MMP11: variants seen among roughly 807,000 people sequenced by gnomAD.
MMP11 encodes the protein matrix metallopeptidase 11, also known as stromelysin-3.
A neutral mutation model predicts 49.5 loss-of-function variants in MMP11; 26 were observed. That is an observed-to-expected ratio of 0.52 (90% CI 0.38 to 0.73). The LOEUF is 0.73. MMP11 is among the 30% of genes least tolerant of loss of function. The pLI is 0.00. For synonymous variants in MMP11, 265 were observed against 282.3 expected (o/e 0.94, Z 0.62); for missense variants, 624 against 671.2 (o/e 0.93, Z 0.78).
At chr22:23,775,892 A>C (rs1927394872) in intron 1 of MMP11, among the ~76,000 whole-genome samples, 1 of 152,236 alleles carries the variant, frequency 6.6e-6, no homozygotes, top group South Asian at 2.1e-4. Context: ...TTTCTGTGCC[A>C]GAGGCTACAG....
chr22:23,780,741 G>C lies in MMP11; in HGVS notation c.616+26G>C, dbSNP rs776222796. ...GTATGGGCTGGGGACCCATTTTCCAGATGGGGCAACCGAAGATCATAAAGA... is the reference window on the plus strand; with the variant it reads ...GTATGGGCTGGGGACCCATTTTCCACATGGGGCAACCGAAGATCATAAAGA... On this transcript the variant is annotated intron_variant, in intron 4 of 7. Coordinates refer to ENST00000215743, the MANE Select transcript of MMP11 (RefSeq NM_005940.5). This position sits in a 1 kb window ranked among gnomAD's most constrained non-coding sequence, Gnocchi z 4.6. 3 of 1,546,658 alleles carry C rather than the reference G, an allele frequency of 1.9e-6. No individual in the cohort carries two copies. Among genetic ancestry groups the C allele is most frequent in the Non-Finnish European group, 2.6e-6 (3 of 1,148,948 alleles).
At chr22:23,778,388 G>A (rs1034521993) in intron 1 of MMP11, among the ~76,000 whole-genome samples, 3 of 152,196 alleles carry the variant, frequency 2.0e-5, no homozygotes, top group African/African-American at 7.2e-5. Context: ...GGGCTTTGGC[G>A]AGTGGGGCTG....
chr22:23,776,040 G>C (rs1192097119), intron 1 of MMP11, among the ~76,000 whole-genome samples: 2 of 152,226 alleles, frequency 1.3e-5, no homozygotes, highest in Non-Finnish European at 2.9e-5. Flanking sequence ...CTGAACCTCA[G>C]TGGCTGGCTC....
intron 1 of MMP11, among the ~76,000 whole-genome samples, chr22:23,776,511 G>A (rs1927414661): frequency 6.6e-6 from 1 of 152,188 alleles, no homozygotes; most frequent in Admixed American, 6.5e-5. Flanking sequence ...AATAGCAGGC[G>A]CTGAATAATT....
At position 23,782,300 on chromosome 22, in the gene MMP11, A is replaced by G; in HGVS notation, c.1150A>G (p.Arg384Gly). 1 of 1,613,806 alleles carries G rather than the reference A, an allele frequency of 6.2e-7. No individual in the cohort carries two copies. The highest frequency in any genetic ancestry group is 8.5e-7 in the Non-Finnish European group (1 of 1,179,972). ...PAPLTELGLV[R>G]FPVHAALVWG... is the part of the protein sequence containing the mutation. ...ACCCCTCACCGAGCTGGGCCTGGTG[A>G]GGTTCCCGGTCCATGCTGCCTTGGT... The change falls in exon 7 of 8, where the codon AGG becomes GGG. Residue 384 changes from arginine (R) to glycine (G), a missense_variant. Arg to Gly is a moderately radical substitution (Grantham distance 125). Coordinates refer to ENST00000215743, the MANE Select transcript of MMP11 (RefSeq NM_005940.5).
At chr22:23,774,816 C>T (rs955806708) in intron 1 of MMP11, among the ~76,000 whole-genome samples, 2 of 152,172 alleles carry the variant, frequency 1.3e-5, no homozygotes, top group African/African-American at 2.4e-5. Context: ...TGAGCCCAGC[C>T]TTTCGCAGTG....
At position 23,782,478 on chromosome 22, in the gene MMP11, C is replaced by T. The variant is rs1315020759; in HGVS notation, c.1328C>T (p.Ala443Val). 2.5e-6 allele frequency: 4 copies of T among 1,608,424 alleles called. No homozygotes were observed. Among genetic ancestry groups the T allele is most frequent in the Non-Finnish European group, 3.4e-6 (4 of 1,177,310 alleles). ...PSEIDAAFQDADGYAYFLRGR... is the reference protein window; with the variant it reads ...PSEIDAAFQDVDGYAYFLRGR... ...GAGATCGACGCTGCCTTCCAGGATGCTGATGGTGCGTTGGGGGTGAGGCAG... is the reference window on the plus strand; with the variant it reads ...GAGATCGACGCTGCCTTCCAGGATGTTGATGGTGCGTTGGGGGTGAGGCAG... The change falls in exon 7 of 8, where the codon GCT becomes GTT. Residue 443 changes from alanine (A) to valine (V), a missense_variant. Coordinates refer to ENST00000215743, the MANE Select transcript of MMP11 (RefSeq NM_005940.5).
intron 1 of MMP11, among the ~76,000 whole-genome samples, chr22:23,776,506 C>G (rs567420994): frequency 6.6e-6 from 1 of 152,358 alleles, no homozygotes; most frequent in African/African-American, 2.4e-5. Context: ...CGGGAAATAG[C>G]AGGCGCTGAA....
intron 1 of MMP11, 46 bp downstream of exon 1, chr22:23,773,024 G>A (rs1569154194): frequency 2.1e-5 from 24 of 1,152,404 alleles, no homozygotes; most frequent in Non-Finnish European, 2.6e-5. Flanking sequence ...AGGGGGCGCC[G>A]GGCACGCGGG....
intron 1 of MMP11, among the ~76,000 whole-genome samples, chr22:23,774,150 G>C (rs770400415): frequency 6.6e-5 from 10 of 152,214 alleles, no homozygotes; most frequent in Admixed American, 1.3e-4. Flanking sequence ...GTGACCCTGG[G>C]TGAATCCTGC....
At chr22:23,773,035 C>G in intron 1 of MMP11, 57 bp downstream of exon 1, 1 of 1,143,260 alleles carries the variant, frequency 8.7e-7, no homozygotes, top group Non-Finnish European at 1.1e-6. Context: ...GGCACGCGGG[C>G]TGGGCCCAGC....
intron 1 of MMP11, among the ~76,000 whole-genome samples, chr22:23,778,607 G>A (rs1156951536): frequency 6.6e-6 from 1 of 152,188 alleles, no homozygotes; most frequent in Non-Finnish European, 1.5e-5. Flanking sequence ...ACAAGTCAGT[G>A]TCACCCCCAG....
chr22:23,782,267 G>A lies in MMP11; in HGVS notation c.1117G>A (p.Gly373Ser). 2 of 1,613,622 alleles carry A rather than the reference G, an allele frequency of 1.2e-6. No individual in the cohort carries two copies. Among genetic ancestry groups the A allele is most frequent in the Non-Finnish European group, 1.7e-6 (2 of 1,179,992 alleles). Residue 373 changes from glycine to serine, a missense_variant, in exon 7 of 8, where the codon GGC (glycine) becomes AGC (serine). Physicochemically the swap from Gly to Ser is moderately conservative, Grantham distance 56. Coordinates refer to ENST00000215743, the MANE Select transcript of MMP11 (RefSeq NM_005940.5). The part of the protein sequence containing the change: ...WVYDGEKPVL[G>S]PAPLTELGLV... ...GTACGACGGTGAAAAGCCAGTCCTG[G>A]GCCCCGCACCCCTCACCGAGCTGGG...
chr22:23,773,498 C>T (rs1018379174), intron 1 of MMP11, among the ~76,000 whole-genome samples: 1 of 152,066 alleles, frequency 6.6e-6, no homozygotes, highest in Non-Finnish European at 1.5e-5. Context: ...GGGCACCTGC[C>T]GGCAGCAGTT....
At position 23,781,176 on chromosome 22, in the gene MMP11, C is replaced by T. The variant is rs763128278; in HGVS notation, c.859-17C>T. 80 of 1,610,362 alleles carry T rather than the reference C, an allele frequency of 5.0e-5. No individual in the cohort carries two copies. The Admixed American group carries it at 1.2e-3, about 23-fold the overall frequency. ...GCAGCATATGCCCTCAGCATGTGTC[C>T]CTCTCTCCCACCCCAGCCAGACGCC... is the stretch of plus-strand genomic sequence containing the variant. On this transcript the variant is annotated splice_polypyrimidine_tract_variant and intron_variant, in intron 5 of 7. Transcript: ENST00000215743.
chr22:23,777,241 A>T (rs1188309692), intron 1 of MMP11, among the ~76,000 whole-genome samples: 3 of 138,310 alleles, frequency 2.2e-5, no homozygotes, highest in Admixed American at 6.9e-5. Flanking sequence ...GCCAAGATGG[A>T]TAAACCTCAT....
rs761976724 is a variant in MMP11 at position 23,782,483 on chromosome 22, G to A, written c.1333G>A (p.Gly445Ser). 3 of 1,606,324 alleles carry A rather than the reference G, an allele frequency of 1.9e-6. No homozygotes were observed. The highest frequency in any genetic ancestry group is 1.1e-5 in the South Asian group (1 of 90,606). ...CGACGCTGCCTTCCAGGATGCTGAT[G>A]GTGCGTTGGGGGTGAGGCAGCTGGT... ...EIDAAFQDAD[G>S]YAYFLRGRLY... The change falls in exon 7 of 8, where the codon GGC becomes AGC. Residue 445 changes from glycine (G) to serine (S), a missense_variant and splice_region_variant. Coordinates refer to ENST00000215743, the MANE Select transcript of MMP11 (RefSeq NM_005940.5).
At chr22:23,779,619 C>T in intron 2 of MMP11, 1 of 585,180 alleles carries the variant, frequency 1.7e-6, no homozygotes. Flanking sequence ...TGGAGACCCT[C>T]CCTCAGCAGA....
At position 23,772,939 on chromosome 22, in the gene MMP11, G is replaced by C; in HGVS notation, c.69G>C (p.Leu23=). The change falls in exon 1 of 8, where the codon CTG becomes CTC. Residue 23 remains leucine (L), a synonymous_variant. Coordinates refer to ENST00000215743, the MANE Select transcript of MMP11 (RefSeq NM_005940.5). ...RALLPPMLLL[L]LQPPPLLARA... is the part of the protein sequence containing the mutation. Reference sequence around the variant, plus strand: ...TCCTGCCCCCGATGCTGCTGCTGCTGCTCCAGCCGCCGCCGCTGCTGGCCC... The same window carrying C: ...TCCTGCCCCCGATGCTGCTGCTGCTCCTCCAGCCGCCGCCGCTGCTGGCCC... The C allele has an allele frequency of 8.2e-7, 1 of 1,215,582 alleles. No homozygotes were observed. Among genetic ancestry groups the C allele is most frequent in the Non-Finnish European group, 1.0e-6 (1 of 973,808 alleles). 75.3% of individuals were successfully genotyped at this position (1,215,582 alleles called of 1,614,324 possible).
Sources: gnomAD v4.1 joint callset for allele counts (sites outside exome capture counted in the v4.1 genomes callset) on GRCh38, gnomAD v4.1.1 for gene constraint, Gnocchi (gnomAD v3.1) non-coding constraint, MANE v1.5 for transcripts, NCBI Gene and HGNC (gene_info 2026-07-23, HGNC 2026-07-21) for gene names.